Variants in TLE4 observed in about 807,000 individuals in gnomAD.
The protein encoded by TLE4 is transducin-like enhancer protein 4.
Under a neutral mutation model 92.8 loss-of-function variants are expected in TLE4, and 8 were observed. The ratio of observed to expected loss-of-function variants is 0.09; its 90% CI spans 0.05 to 0.16. The LOEUF is 0.16. Among genes scored for constraint, TLE4 ranks in the 10% least tolerant of loss-of-function variants. The probability of loss-of-function intolerance (pLI) is 1.00; values close to 1 mark genes in which losing one functional copy is unlikely to be tolerated. For missense variants in TLE4, 675 were observed against 997.6 expected (o/e 0.68, Z 4.36); for synonymous variants, 371 against 374.1 (o/e 0.99, Z 0.10).
chr9:79,663,266 CAT>C (rs895273747), intron 8 of TLE4, among the ~76,000 whole-genome samples: 5 of 152,180 alleles, frequency 3.3e-5, no homozygotes, highest in African/African-American at 1.2e-4. Flanking sequence ...CTTTTAAAAA[CAT>C]AGATAGTTGT....
chr9:79,576,954 T>TAC (rs942045274), intron 4 of TLE4, among the ~76,000 whole-genome samples: 2 of 151,418 alleles, frequency 1.3e-5, no homozygotes, highest in African/African-American at 2.4e-5. Context: ...TATATATATA[T>TAC]ACACACACAC....
chr9:79,623,033 C>T (rs543556357), intron 5 of TLE4, among the ~76,000 whole-genome samples: 2 of 152,108 alleles, frequency 1.3e-5, no homozygotes, highest in African/African-American at 4.8e-5. Flanking sequence ...ATGGGGAGTA[C>T]TTTTTAAATG....
chr9:79,671,239 A>T, intron 8 of TLE4: 1 of 456,508 alleles, frequency 2.2e-6, no homozygotes, highest in South Asian at 1.5e-5. Flanking sequence ...AATGGATGAA[A>T]TTGGAGACCA....
chr9:79,718,575 T>C (rs1183986299), intron 14 of TLE4, 147 bp from the exon 15 acceptor site: 3 of 1,238,100 alleles, frequency 2.4e-6, no homozygotes, highest in Non-Finnish European at 3.3e-6. Context: ...CTGGAAATTA[T>C]GTTCTTTACA....
Position 79,638,632 on chromosome 9 carries a change from A to T in TLE4, c.390+11184A>T, listed in dbSNP as rs899570336. On this transcript the variant is annotated intron_variant, in intron 6 of 19. Coordinates refer to ENST00000376552, the MANE Select transcript of TLE4 (RefSeq NM_007005.6). The stretch of plus-strand genomic sequence containing the variant: ...TTCTGTGACCATCAAGGGCAGTGCC[A>T]CTATGGTCCCGAAGCAAAGTGGCAG... 2.0e-5 allele frequency among the ~76,000 whole-genome samples: 3 copies of T among 151,942 alleles called. No individual in the cohort carries two copies. In the East Asian group the frequency reaches 5.8e-4, roughly 29 times the overall value.
chr9:79,572,647 G>T lies in TLE4; in HGVS notation c.-144G>T. ...CGCGTTCCTGCCGCCCGTGTCACGCGAGACCCGGCGGGGGCCGGGACCGCC... is the reference window on the plus strand; with the variant it reads ...CGCGTTCCTGCCGCCCGTGTCACGCTAGACCCGGCGGGGGCCGGGACCGCC... On this transcript the variant is annotated 5_prime_UTR_variant, in exon 1 of 20. Coordinates refer to ENST00000376552, the MANE Select transcript of TLE4 (RefSeq NM_007005.6). 3 of 519,162 alleles carry T rather than the reference G, an allele frequency of 5.8e-6. No homozygotes were observed. Among genetic ancestry groups the T allele is most frequent in the Non-Finnish European group, 9.1e-6 (3 of 329,160 alleles). 32.2% of individuals were successfully genotyped at this position (519,162 alleles called of 1,614,324 possible).
chr9:79,662,262 C>T (rs1017644078), intron 8 of TLE4, among the ~76,000 whole-genome samples: 1 of 152,104 alleles, frequency 6.6e-6, no homozygotes, highest in African/African-American at 2.4e-5. Flanking sequence ...ATTCTTGAAT[C>T]TTCTTTTTTA....
At chr9:79,681,687 A>T (rs1301641458) in intron 8 of TLE4, among the ~76,000 whole-genome samples, 1 of 151,926 alleles carries the variant, frequency 6.6e-6, no homozygotes, top group Non-Finnish European at 1.5e-5. Flanking sequence ...ATAACTTTTT[A>T]AGAAAAATAT....
At chr9:79,615,670 A>G (rs1483673946) in intron 5 of TLE4, among the ~76,000 whole-genome samples, 1 of 152,190 alleles carries the variant, frequency 6.6e-6, no homozygotes, top group African/African-American at 2.4e-5. Context: ...CTGAATGATA[A>G]CTATTAAATT....
In TLE4 at chr9:79,716,832, C is replaced by T. The variant is rs143928627; in HGVS notation, c.1341-1890C>T. On this transcript the variant is annotated intron_variant, in intron 14 of 19. Transcript: ENST00000376552. ...GCATATCTCACTAATGAATGTGCCC[C>T]TCAGGCTGTAATTTCAGGAGAACAA... 2.2e-4 allele frequency among the ~76,000 whole-genome samples: 33 copies of T among 152,292 alleles called. No homozygotes were observed. In the East Asian group the frequency reaches 5.0e-3, roughly 23 times the overall value.
chr9:79,691,807 A>T (rs2067139647), intron 8 of TLE4, among the ~76,000 whole-genome samples: 1 of 152,058 alleles, frequency 6.6e-6, no homozygotes, highest in Non-Finnish European at 1.5e-5. Context: ...GCTGCTAGTT[A>T]TTCTCAGTCT....
At chr9:79,666,168 T>C (rs1045805278) in intron 8 of TLE4, among the ~76,000 whole-genome samples, 1 of 97,324 alleles carries the variant, frequency 1.0e-5, no homozygotes, top group Non-Finnish European at 2.0e-5. Flanking sequence ...TTCATCTGTG[T>C]GTGTGTGTGT....
rs140569449 is a variant in TLE4, at chr9:79,632,510, G to A, written c.390+5062G>A. ...TAGGATTTGATTTCATAGGCCTCAA[G>A]CTACTTAAGGGGGCTTTACAGTGTA... is the stretch of plus-strand genomic sequence containing the variant. On this transcript the variant is annotated intron_variant, in intron 6 of 19. Transcript: ENST00000376552. 7.8e-4 allele frequency among the ~76,000 whole-genome samples: 119 copies of A among 152,268 alleles called. 1 individual carries two copies. Among genetic ancestry groups the A allele is most frequent in the African/African-American group, 2.7e-3 (111 of 41,564 alleles).
intron 8 of TLE4, among the ~76,000 whole-genome samples, chr9:79,682,468 C>T (rs1303545080): frequency 6.6e-6 from 1 of 152,100 alleles, no homozygotes; most frequent in African/African-American, 2.4e-5. Flanking sequence ...CTCTAACTCT[C>T]ATTGAAAAGA....
At chr9:79,687,338 A>G (rs2066088379) in intron 8 of TLE4, among the ~76,000 whole-genome samples, 1 of 152,156 alleles carries the variant, frequency 6.6e-6, no homozygotes, top group Non-Finnish European at 1.5e-5. Flanking sequence ...TAGCATCTAC[A>G]TCCTGTGTGG....
intron 10 of TLE4, 29 bp from the exon 11 acceptor site, chr9:79,706,718 G>A (rs1368655035): frequency 1.9e-6 from 3 of 1,603,798 alleles, no homozygotes; most frequent in Non-Finnish European, 2.6e-6. Context: ...TGCTGTGCTT[G>A]CATTACTGTC....
chr9:79,695,174 C>T (rs2067956674), intron 8 of TLE4, among the ~76,000 whole-genome samples: 1 of 152,150 alleles, frequency 6.6e-6, no homozygotes. Flanking sequence ...GGACTGGGCA[C>T]TGACCTTGGG....
rs2072701540 is a variant in TLE4, at chr9:79,709,624, T to G, written c.1265T>G (p.Val422Gly). The G allele has an allele frequency of 6.2e-7, 1 of 1,613,644 alleles. No homozygotes were observed. The highest frequency in any genetic ancestry group is 8.5e-7 in the Non-Finnish European group (1 of 1,179,790). ...AAAAYGRSPV[V>G]GFDPHHHMRV... ...TTGTTTGCTTGGGAAAAATTCTAGG[T>G]GGGATTTGATCCACACCATCACATG... The change falls in exon 14 of 20, where the codon GTG becomes GGG. Residue 422 changes from valine to glycine, a missense_variant and splice_region_variant. Coordinates refer to ENST00000376552, the MANE Select transcript of TLE4 (RefSeq NM_007005.6).
intron 4 of TLE4, among the ~76,000 whole-genome samples, chr9:79,596,307 A>G (rs1371218791): frequency 6.6e-6 from 1 of 152,140 alleles, no homozygotes; most frequent in Non-Finnish European, 1.5e-5. Context: ...CTTTACTACT[A>G]TATATAAAAT....
Sources: allele counts gnomAD v4.1 joint callset (sites outside exome capture counted in the v4.1 genomes callset), GRCh38; gene constraint gnomAD v4.1.1; transcripts MANE v1.5; gene names NCBI Gene and HGNC (gene_info 2026-07-23, HGNC 2026-07-21).